GAPDH: variants seen among roughly 807,000 people sequenced by gnomAD.
GAPDH encodes the protein OCAS, p38 component.
A neutral mutation model predicts 31.2 loss-of-function variants in GAPDH; 13 were observed. That is an observed-to-expected ratio of 0.42 (90% CI 0.27 to 0.66). The LOEUF is 0.66. Ranked by LOEUF, GAPDH falls within the 30% of genes least tolerant of loss-of-function variation. GAPDH has a pLI of 0.26. For missense variants in GAPDH, 300 were observed against 443.7 expected (o/e 0.68, Z 2.91); for synonymous variants, 211 against 166.9 (o/e 1.26, Z -2.04).
At position 6,537,351 on chromosome 12, in the gene GAPDH, G is replaced by A; in HGVS notation, c.486G>A (p.Lys162=). Reference sequence around the variant, plus strand: ...CCAACTGCTTAGCACCCCTGGCCAAGGTCATCCATGACAACTTTGGTATCG... The same window carrying A: ...CCAACTGCTTAGCACCCCTGGCCAAAGTCATCCATGACAACTTTGGTATCG... ...CTTNCLAPLA[K]VIHDNFGIVE... Residue 162 remains lysine (K), a synonymous_variant, in exon 7 of 9, where the codon AAG becomes AAA. Coordinates refer to ENST00000229239, the MANE Select transcript of GAPDH (RefSeq NM_002046.7). This position sits in a 1 kb window ranked among gnomAD's most constrained non-coding sequence, Gnocchi z 4.9. 1 of 1,609,774 alleles carries A rather than the reference G, an allele frequency of 6.2e-7. No homozygotes were observed. Among genetic ancestry groups the A allele is most frequent in the Non-Finnish European group, 8.5e-7 (1 of 1,179,998 alleles).
chr12:6,536,977 C>T lies in GAPDH; in HGVS notation c.294C>T (p.Ser98=). The change falls in exon 5 of 9, where the codon TCC becomes TCT. Residue 98 remains serine, a synonymous_variant. Transcript: ENST00000229239. The part of the protein sequence containing the change: ...GDAGAEYVVE[S]TGVFTTMEKA... ...CTGGCGCTGAGTACGTCGTGGAGTC[C>T]ACTGGCGTCTTCACCACCATGGAGA... The T allele has an allele frequency of 1.2e-6, 2 of 1,613,932 alleles. No homozygotes were observed. Among genetic ancestry groups the T allele is most frequent in the Non-Finnish European group, 8.5e-7 (1 of 1,179,966 alleles).
At chr12:6,536,853 C>T (rs376485668) in intron 4 of GAPDH, 63 bp downstream of exon 4, 16 of 1,585,874 alleles carry the variant, frequency 1.0e-5, no homozygotes, top group Non-Finnish European at 1.2e-5. Context: ...GTGTGGCTCC[C>T]TTGGGTATAT....
chr12:6,537,075 C>A lies in GAPDH; in HGVS notation c.328-26C>A. On this transcript the variant is annotated intron_variant, in intron 5 of 8. Coordinates refer to ENST00000229239, the MANE Select transcript of GAPDH (RefSeq NM_002046.7). The surrounding 1 kb of genome is among the most constrained non-coding windows in gnomAD (Gnocchi z 4.9). ...GCCCTGCAAAGGCAGGACCCGGGTTCATAACTGTCTGCTTCTCTGCTGTAG... is the reference window on the plus strand; with the variant it reads ...GCCCTGCAAAGGCAGGACCCGGGTTAATAACTGTCTGCTTCTCTGCTGTAG... The A allele has an allele frequency of 6.2e-7, 1 of 1,608,460 alleles. No homozygotes were observed. The highest frequency in any genetic ancestry group is 8.5e-7 in the Non-Finnish European group (1 of 1,177,436).
chr12:6,535,949 C>A (rs576151268), intron 2 of GAPDH, among the ~76,000 whole-genome samples: 13 of 152,324 alleles, frequency 8.5e-5, no homozygotes, highest in African/African-American at 3.1e-4. Flanking sequence ...GGCAACTTGG[C>A]AAATCAAAGC....
Position 6,538,350 on chromosome 12 carries a change from T to C in GAPDH, c.*180T>C. On this transcript the variant is annotated 3_prime_UTR_variant, in exon 9 of 9. Coordinates refer to ENST00000229239, the MANE Select transcript of GAPDH (RefSeq NM_002046.7). ...GCCGCACCTTGTCATGTACCATCAATAAAGTACCCTGTGCTCAACCAGTTA... is the reference window on the plus strand; with the variant it reads ...GCCGCACCTTGTCATGTACCATCAACAAAGTACCCTGTGCTCAACCAGTTA... 1.7e-6 allele frequency: 1 copy of C among 605,266 alleles called. No individual in the cohort carries two copies. Among genetic ancestry groups the C allele is most frequent in the Non-Finnish European group, 2.9e-6 (1 of 339,288 alleles). The allele number at this position is 605,266 out of a possible 1,614,324, so 37.5% of individuals were successfully genotyped here.
chr12:6,537,833 A>C lies in GAPDH; in HGVS notation c.775A>C (p.Lys259Gln). 6.2e-7 allele frequency: 1 copy of C among 1,612,408 alleles called. No homozygotes were observed. The highest frequency in any genetic ancestry group is 1.7e-5 in the Admixed American group (1 of 60,016). The change falls in exon 8 of 9, where the codon AAG becomes CAG. Residue 259 changes from lysine to glutamine, a missense_variant. Transcript: ENST00000229239. The surrounding 1 kb of genome is among the most constrained non-coding windows in gnomAD (Gnocchi z 4.9). Reference protein sequence around the residue: ...LEKPAKYDDIKKVVKQASEGP... With the variant: ...LEKPAKYDDIQKVVKQASEGP... ...AAAACCTGCCAAATATGATGACATC[A>C]AGAAGGTGGTGAAGCAGGCGTCGGA...
chr12:6,535,068 GC>G (rs1946431972), intron 2 of GAPDH: 1 of 781,986 alleles, frequency 1.3e-6, no homozygotes, highest in Admixed American at 3.3e-5. Context: ...GGCGCCATCT[GC>G]CCGGAGCCTC....
In GAPDH at chr12:6,536,644, C is replaced by T. The variant is rs755063822; in HGVS notation, c.130-40C>T. The T allele has an allele frequency of 6.2e-6, 10 of 1,603,424 alleles. No homozygotes were observed. The South Asian group carries it at 9.9e-5, about 16-fold the overall frequency. ...AGCTGGTGTGGGAGGAGCCACCTGG[C>T]TGATGGGCAGCCCCTTCATACCCTC... On this transcript the variant is annotated intron_variant, in intron 3 of 8. Transcript: ENST00000229239.
rs1174494151 is a variant in GAPDH at position 6,537,796 on chromosome 12, C to G, written c.738C>G (p.Thr246=). ...PTANVSVVDL[T]CRLEKPAKYD... ...CCAACGTGTCAGTGGTGGACCTGAC[C>G]TGCCGTCTAGAAAAACCTGCCAAAT... is the stretch of plus-strand genomic sequence containing the variant. Residue 246 remains threonine, a synonymous_variant, in exon 8 of 9, where the codon ACC becomes ACG. Transcript: ENST00000229239. The surrounding 1 kb of genome is among the most constrained non-coding windows in gnomAD (Gnocchi z 4.9). 1 of 1,611,812 alleles carries G rather than the reference C, an allele frequency of 6.2e-7. No homozygotes were observed. Among genetic ancestry groups the G allele is most frequent in the Non-Finnish European group, 8.5e-7 (1 of 1,179,854 alleles).
At position 6,537,453 on chromosome 12, in the gene GAPDH, T is replaced by A. The variant is rs1407207012; in HGVS notation, c.525+63T>A. On this transcript the variant is annotated intron_variant, in intron 7 of 8. Coordinates refer to ENST00000229239, the MANE Select transcript of GAPDH (RefSeq NM_002046.7). The surrounding 1 kb of genome is among the most constrained non-coding windows in gnomAD (Gnocchi z 4.9). The stretch of plus-strand genomic sequence containing the variant: ...TTCTCATCCAAGACTGGCTCCTCCC[T>A]GCCGGGGCTGCGTGCAACCCTGGGG... 2 of 1,582,852 alleles carry A rather than the reference T, an allele frequency of 1.3e-6. No homozygotes were observed. Among genetic ancestry groups the A allele is most frequent in the African/African-American group, 2.7e-5 (2 of 74,274 alleles).
Position 6,536,666 on chromosome 12 carries a change from C to T in GAPDH, c.130-18C>T, listed in dbSNP as rs1946473929. The stretch of plus-strand genomic sequence containing the variant: ...TGGCTGATGGGCAGCCCCTTCATAC[C>T]CTCACGTATTCCCCCAGGTTTACAT... On this transcript the variant is annotated intron_variant, in intron 3 of 8. Transcript: ENST00000229239. 4.4e-6 allele frequency: 7 copies of T among 1,607,502 alleles called. No homozygotes were observed. The highest frequency in any genetic ancestry group is 1.1e-5 in the South Asian group (1 of 90,816).
chr12:6,536,581 C>T lies in GAPDH; in HGVS notation c.117C>T (p.Asp39=), dbSNP rs770803265. The change falls in exon 3 of 9, where the codon GAC becomes GAT. Residue 39 remains aspartate (D), a synonymous_variant. Coordinates refer to ENST00000229239, the MANE Select transcript of GAPDH (RefSeq NM_002046.7). Reference sequence around the variant, plus strand: ...TTGCCATCAATGACCCCTTCATTGACCTCAACTACATGGTGAGTGCTACAT... The same window carrying T: ...TTGCCATCAATGACCCCTTCATTGATCTCAACTACATGGTGAGTGCTACAT... ...DIVAINDPFI[D]LNYMVYMFQY... The T allele has an allele frequency of 2.5e-6, 4 of 1,612,716 alleles. No homozygotes were observed. The highest frequency in any genetic ancestry group is 4.5e-5 in the East Asian group (2 of 44,896).
chr12:6,536,826 G>T (rs1214424992), intron 4 of GAPDH, 36 bp downstream of exon 4: 1 of 1,597,214 alleles, frequency 6.3e-7, no homozygotes, highest in Non-Finnish European at 8.6e-7. Context: ...ATGTGCTTTG[G>T]GGAGGCAACT....
Position 6,534,551 on chromosome 12 carries a change from T to A in GAPDH, c.-42T>A, listed in dbSNP as rs1946414571. 9.7e-6 allele frequency: 5 copies of A among 514,160 alleles called. No individual in the cohort carries two copies. The highest frequency in any genetic ancestry group is 1.7e-5 in the Non-Finnish European group (5 of 287,666). The allele number at this position is 514,160 out of a possible 1,614,324, so 31.8% of individuals were successfully genotyped here. A position where few individuals can be genotyped will look rare whatever the true frequency, so the allele number is the denominator to read the frequency against. ...TCCTCCTGTTCGACAGTCAGCCGCA[T>A]CTTCTTTTGCGTCGCCAGGTGAAGA... On this transcript the variant is annotated 5_prime_UTR_variant, in exon 1 of 9. Coordinates refer to ENST00000229239, the MANE Select transcript of GAPDH (RefSeq NM_002046.7).
chr12:6,537,469 AAC>A lies in GAPDH; in HGVS notation c.525+80_525+81del. On this transcript the variant is annotated intron_variant, in intron 7 of 8. Coordinates refer to ENST00000229239, the MANE Select transcript of GAPDH (RefSeq NM_002046.7). This position sits in a 1 kb window ranked among gnomAD's most constrained non-coding sequence, Gnocchi z 4.9. ...GCTCCTCCCTGCCGGGGCTGCGTGC[AAC>A]CCTGGGGTTGGGGGTTCTGGGGACT... is the stretch of plus-strand genomic sequence containing the variant. 2.5e-6 allele frequency: 4 copies of A among 1,585,064 alleles called. No homozygotes were observed. Among genetic ancestry groups the A allele is most frequent in the Non-Finnish European group, 3.5e-6 (4 of 1,157,492 alleles).
Position 6,537,544 on chromosome 12 carries a change from G to T in GAPDH, c.526-40G>T. 6.3e-7 allele frequency: 1 copy of T among 1,596,478 alleles called. No individual in the cohort carries two copies. Among genetic ancestry groups the T allele is most frequent in the East Asian group, 2.2e-5 (1 of 44,722 alleles). ...AAGGTGGGGAGGGAGGTAGAGGGGT[G>T]ATGTGGGGAGTACGCTGCAGGGCCT... On this transcript the variant is annotated intron_variant, in intron 7 of 8. Coordinates refer to ENST00000229239, the MANE Select transcript of GAPDH (RefSeq NM_002046.7). The surrounding 1 kb of genome is among the most constrained non-coding windows in gnomAD (Gnocchi z 4.9).
chr12:6,535,940 G>A (rs927155698), intron 2 of GAPDH, among the ~76,000 whole-genome samples: 1 of 152,204 alleles, frequency 6.6e-6, no homozygotes, highest in Non-Finnish European at 1.5e-5. Flanking sequence ...GGAAGGACAG[G>A]CAACTTGGCA....
rs1464599733 is a variant in GAPDH at position 6,538,283 on chromosome 12, A to T, written c.*113A>T. The T allele has an allele frequency of 1.2e-5, 11 of 891,786 alleles. No individual in the cohort carries two copies. In the East Asian group the frequency reaches 2.3e-4, roughly 19 times the overall value. The allele number at this position is 891,786 out of a possible 1,614,324, so 55.2% of individuals were successfully genotyped here. A position where few individuals can be genotyped will look rare whatever the true frequency, so the allele number is the denominator to read the frequency against. The stretch of plus-strand genomic sequence containing the variant: ...ACCACACTGAATCTCCCCTCCTCAC[A>T]GTTGCCATGTAGACCCCTTGAAGAG... On this transcript the variant is annotated 3_prime_UTR_variant, in exon 9 of 9. Coordinates refer to ENST00000229239, the MANE Select transcript of GAPDH (RefSeq NM_002046.7).
Position 6,537,651 on chromosome 12 carries a change from A to C in GAPDH, c.593A>C (p.Asp198Ala). ...VDGPSGKLWR[D>A]GRGALQNIIP... ...GGCCCCTCCGGGAAACTGTGGCGTG[A>C]TGGCCGCGGGGCTCTCCAGAACATC... is the stretch of plus-strand genomic sequence containing the variant. The change falls in exon 8 of 9, where the codon GAT (aspartate) becomes GCT (alanine). Residue 198 changes from aspartate (D) to alanine (A), a missense_variant. By Grantham distance (126) the Asp-to-Ala change is moderately radical. Transcript: ENST00000229239. This position sits in a 1 kb window ranked among gnomAD's most constrained non-coding sequence, Gnocchi z 4.9. The C allele has an allele frequency of 6.2e-7, 1 of 1,611,504 alleles. No homozygotes were observed. Among genetic ancestry groups the C allele is most frequent in the Non-Finnish European group, 8.5e-7 (1 of 1,179,820 alleles).
Sources: allele counts gnomAD v4.1 joint callset (sites outside exome capture counted in the v4.1 genomes callset), GRCh38; gene constraint gnomAD v4.1.1; non-coding constraint Gnocchi (gnomAD v3.1); transcripts MANE v1.5; gene names NCBI Gene and HGNC (gene_info 2026-07-23, HGNC 2026-07-21).